The following FLRT2 variants were observed in gnomAD, a reference collection of about 807,000 sequenced individuals.
The protein encoded by FLRT2 is fibronectin leucine rich transmembrane protein 2, also known as leucine-rich repeat transmembrane protein FLRT2.
In FLRT2, 15 loss-of-function variants were observed where a neutral mutation model predicts 40.0. That is an observed-to-expected ratio of 0.38 (90% confidence interval 0.25 to 0.58). The LOEUF (loss-of-function observed/expected upper bound fraction) is 0.58. Among genes scored for constraint, FLRT2 ranks in the 20% least tolerant of loss-of-function variants. The pLI is 0.71. For missense variants in FLRT2, 726 were observed against 840.0 expected (o/e 0.86, Z 1.68); for synonymous variants, 380 against 336.8 (o/e 1.13, Z -1.41).
intron 1 of FLRT2, among the ~76,000 whole-genome samples, chr14:85,540,147 G>A (rs375515322): frequency 6.6e-6 from 1 of 152,044 alleles, no homozygotes; most frequent in African/African-American, 2.4e-5. Flanking sequence ...TAACTATCCA[G>A]GTTACCTTTT....
intron 1 of FLRT2, among the ~76,000 whole-genome samples, chr14:85,578,758 T>C (rs11845459): frequency 6.6e-6 from 1 of 152,234 alleles, no homozygotes; most frequent in Non-Finnish European, 1.5e-5. Context: ...TTGCTTCAAA[T>C]TGAATAAATG....
At chr14:85,605,735 C>T (rs1400921774) in intron 1 of FLRT2, among the ~76,000 whole-genome samples, 1 of 152,136 alleles carries the variant, frequency 6.6e-6, no homozygotes, top group East Asian at 1.9e-4. Context: ...GCACTCCATC[C>T]AGCCTGGGCA....
chr14:85,572,166 T>C (rs1244988902), intron 1 of FLRT2, among the ~76,000 whole-genome samples: 1 of 152,232 alleles, frequency 6.6e-6, no homozygotes, highest in Non-Finnish European at 1.5e-5. Context: ...TCTGTGTCTT[T>C]ACTTAGATCA....
chr14:85,588,354 C>T (rs141797952), intron 1 of FLRT2, among the ~76,000 whole-genome samples: 131 of 152,176 alleles, frequency 8.6e-4, no homozygotes, highest in African/African-American at 3.0e-3. Context: ...GTACCCTCAT[C>T]TACCCTTCAA....
At chr14:85,533,598 G>C (rs1448221596) in intron 1 of FLRT2, among the ~76,000 whole-genome samples, 1 of 152,146 alleles carries the variant, frequency 6.6e-6, no homozygotes, top group Non-Finnish European at 1.5e-5. Context: ...TCGTTGGCTT[G>C]GCGAAGCGGA....
chr14:85,578,972 C>G (rs1252829657), intron 1 of FLRT2, among the ~76,000 whole-genome samples: 3 of 152,218 alleles, frequency 2.0e-5, no homozygotes, highest in Non-Finnish European at 4.4e-5. Flanking sequence ...GGAGTCTCAA[C>G]CTTCTGATCC....
chr14:85,570,341 A>G (rs980396296), intron 1 of FLRT2, among the ~76,000 whole-genome samples: 2 of 152,206 alleles, frequency 1.3e-5, no homozygotes, highest in Admixed American at 1.3e-4. Context: ...TTTTCATTTT[A>G]GGAATTAGAA....
chr14:85,549,685 C>G (rs1339237361), intron 1 of FLRT2, among the ~76,000 whole-genome samples: 1 of 151,912 alleles, frequency 6.6e-6, no homozygotes, highest in East Asian at 1.9e-4. Flanking sequence ...CATAGGACCA[C>G]TCTGGTGAAT....
chr14:85,589,087 A>G (rs1681010925), intron 1 of FLRT2, among the ~76,000 whole-genome samples: 1 of 152,204 alleles, frequency 6.6e-6, no homozygotes, highest in Non-Finnish European at 1.5e-5. Flanking sequence ...TCTCTTTGAT[A>G]TACAGATGGC....
intron 1 of FLRT2, among the ~76,000 whole-genome samples, chr14:85,590,724 G>A (rs1595061502): frequency 6.6e-6 from 1 of 151,908 alleles, no homozygotes; most frequent in Admixed American, 6.6e-5. Flanking sequence ...TCAGCCTCCC[G>A]ATAGCTGGGA....
chr14:85,603,469 A>T (rs987208252), intron 1 of FLRT2, among the ~76,000 whole-genome samples: 1 of 152,212 alleles, frequency 6.6e-6, no homozygotes, highest in Non-Finnish European at 1.5e-5. Flanking sequence ...AGGTTTTCTG[A>T]TAAGGATGAG....
At chr14:85,618,410 A>G (rs1210042077) in intron 1 of FLRT2, among the ~76,000 whole-genome samples, 1 of 152,116 alleles carries the variant, frequency 6.6e-6, no homozygotes, top group Non-Finnish European at 1.5e-5. Context: ...TCACTTTCCT[A>G]TCTCTTGTGG....
chr14:85,587,601 C>G lies in FLRT2; in HGVS notation c.-376-33538C>G, dbSNP rs574798988. Among the ~76,000 whole-genome samples, 4 of 151,630 alleles carry G rather than the reference C, an allele frequency of 2.6e-5. No individual in the cohort carries two copies. The South Asian group carries it at 6.3e-4, about 24-fold the overall frequency. The stretch of plus-strand genomic sequence containing the variant: ...AATTTTTTTTTTTTCTAAGTGAACA[C>G]TTTGCCATTCCTCAAACCCTACCGC... On this transcript the variant is annotated intron_variant, in intron 1 of 1. Coordinates refer to ENST00000330753, the MANE Select transcript of FLRT2 (RefSeq NM_013231.6).
intron 1 of FLRT2, chr14:85,561,398 A>G (rs1480044442): frequency 6.6e-6 from 1 of 152,222 alleles, no homozygotes; most frequent in African/African-American, 2.4e-5. Flanking sequence ...TTTGTCAGCC[A>G]TTGTCAACAT....
At chr14:85,580,108 T>C (rs1891318156) in intron 1 of FLRT2, among the ~76,000 whole-genome samples, 1 of 152,074 alleles carries the variant, frequency 6.6e-6, no homozygotes, top group African/African-American at 2.4e-5. Flanking sequence ...AAAGTATTTG[T>C]GGCTGAAATT....
rs567834578 is a variant in FLRT2, at chr14:85,623,775, A to G, written c.*278A>G. The G allele has an allele frequency of 4.1e-4, 129 of 315,938 alleles. No homozygotes were observed. The highest frequency in any genetic ancestry group is 2.6e-3 in the African/African-American group (123 of 46,780). 19.6% of individuals were successfully genotyped at this position (315,938 alleles called of 1,614,324 possible). ...AAGTACTGTACAGGGTTGTACAATG[A>G]GAACCCAATGCCAAGGCAAAAAGAA... On this transcript the variant is annotated 3_prime_UTR_variant, in exon 2 of 2. Coordinates refer to ENST00000330753, the MANE Select transcript of FLRT2 (RefSeq NM_013231.6).
At chr14:85,546,004 T>C (rs147042989) in intron 1 of FLRT2, among the ~76,000 whole-genome samples, 1 of 152,366 alleles carries the variant, frequency 6.6e-6, no homozygotes, top group African/African-American at 2.4e-5. Context: ...TCTATGTAAT[T>C]GCTCAGGCGG....
At chr14:85,616,856 A>G (rs1893158912) in intron 1 of FLRT2, among the ~76,000 whole-genome samples, 1 of 152,188 alleles carries the variant, frequency 6.6e-6, no homozygotes, top group Non-Finnish European at 1.5e-5. Flanking sequence ...TCCTCGTTCT[A>G]GTGCTCAATA....
intron 1 of FLRT2, among the ~76,000 whole-genome samples, chr14:85,615,049 A>T (rs908443337): frequency 2.6e-5 from 4 of 152,176 alleles, no homozygotes; most frequent in Non-Finnish European, 5.9e-5. Flanking sequence ...CTACCCAACC[A>T]GTTGCTATCA....
Sources: gnomAD v4.1 joint callset for allele counts (sites outside exome capture counted in the v4.1 genomes callset) on GRCh38, gnomAD v4.1.1 for gene constraint, MANE v1.5 for transcripts, NCBI Gene and HGNC (gene_info 2026-07-23, HGNC 2026-07-21) for gene names.